NR6A1: variants seen among roughly 807,000 people sequenced by gnomAD.
The protein encoded by NR6A1 is retinoic acid receptor-related testis-associated receptor.
Under a neutral mutation model 59.1 loss-of-function variants are expected in NR6A1, and 7 were observed. The ratio of observed to expected loss-of-function variants is 0.12; its 90% CI spans 0.07 to 0.22. The LOEUF is 0.22. NR6A1 is among the 10% of genes least tolerant of loss of function. The pLI is 1.00. For missense variants in NR6A1, 468 were observed against 611.6 expected (o/e 0.77, Z 2.48); for synonymous variants, 243 against 236.1 (o/e 1.03, Z -0.27).
intron 2 of NR6A1, among the ~76,000 whole-genome samples, chr9:124,618,863 C>T (rs762778474): frequency 4.6e-5 from 7 of 152,300 alleles, no homozygotes; most frequent in Non-Finnish European, 7.3e-5. Flanking sequence ...AGCAGGCTCT[C>T]TTACACCCTG....
chr9:124,747,434 G>T (rs1413999417), intron 1 of NR6A1, among the ~76,000 whole-genome samples: 1 of 151,832 alleles, frequency 6.6e-6, no homozygotes, highest in Non-Finnish European at 1.5e-5. Context: ...TCTCATCCTA[G>T]GTTGGATGGT....
intron 2 of NR6A1, among the ~76,000 whole-genome samples, chr9:124,625,430 C>G (rs898775115): frequency 1.3e-5 from 2 of 152,164 alleles, no homozygotes; most frequent in Admixed American, 6.5e-5. Flanking sequence ...CAGGCTCAAG[C>G]GAGCCTCCTG....
chr9:124,656,623 C>T (rs1455390132), intron 2 of NR6A1, among the ~76,000 whole-genome samples: 3 of 151,954 alleles, frequency 2.0e-5, no homozygotes, highest in Non-Finnish European at 4.4e-5. Context: ...CTTGAGATCA[C>T]GAGTTCGAGA....
chr9:124,607,683 C>T (rs1273097006), intron 2 of NR6A1, among the ~76,000 whole-genome samples: 3 of 152,234 alleles, frequency 2.0e-5, no homozygotes, highest in Middle Eastern at 6.8e-3. Context: ...AAATGTTCAA[C>T]ACAATGCCTG....
intron 2 of NR6A1, among the ~76,000 whole-genome samples, chr9:124,674,926 C>T (rs1837908473): frequency 6.6e-6 from 1 of 152,198 alleles, no homozygotes; most frequent in South Asian, 2.1e-4. Flanking sequence ...AATGATTTTT[C>T]TTGCTCTTAC....
intron 2 of NR6A1, among the ~76,000 whole-genome samples, chr9:124,730,323 C>T (rs759101438): frequency 2.6e-4 from 39 of 152,064 alleles, no homozygotes; most frequent in Admixed American, 6.6e-5. Context: ...GCCTCCTCCT[C>T]CTTAAGCAAT....
intron 1 of NR6A1, among the ~76,000 whole-genome samples, chr9:124,756,990 A>AG (rs997927821): frequency 1.3e-5 from 2 of 151,558 alleles, no homozygotes; most frequent in African/African-American, 4.8e-5. Context: ...AGAATCAAAA[A>AG]GAAAAAAAAA....
chr9:124,667,849 A>G (rs1837670880), intron 2 of NR6A1, among the ~76,000 whole-genome samples: 2 of 152,226 alleles, frequency 1.3e-5, no homozygotes, highest in South Asian at 4.1e-4. Context: ...ACAAAAATAT[A>G]AAGACAAAAA....
chr9:124,649,808 A>C (rs566333037), intron 2 of NR6A1, among the ~76,000 whole-genome samples: 8 of 152,354 alleles, frequency 5.3e-5, no homozygotes, highest in Admixed American at 1.3e-4. Context: ...GACATTTCTC[A>C]AAAGCAGACA....
At chr9:124,630,319 G>A (rs867947217) in intron 2 of NR6A1, among the ~76,000 whole-genome samples, 1 of 148,994 alleles carries the variant, frequency 6.7e-6, no homozygotes, top group African/African-American at 2.5e-5. Context: ...AGGTTCAAGT[G>A]ATTATCCTGT....
intron 8 of NR6A1, among the ~76,000 whole-genome samples, chr9:124,525,203 A>T (rs1479040175): frequency 1.3e-5 from 2 of 151,470 alleles, no homozygotes; most frequent in Admixed American, 6.6e-5. Flanking sequence ...TTCCAAATTA[A>T]TCCTTCACAA....
intron 1 of NR6A1, among the ~76,000 whole-genome samples, chr9:124,749,190 A>G (rs1215078261): frequency 1.3e-5 from 2 of 151,572 alleles, no homozygotes; most frequent in Admixed American, 1.3e-4. Context: ...TGAACCCGAG[A>G]GGCGGAGGTT....
intron 6 of NR6A1, 91 bp from the exon 7 acceptor site, chr9:124,536,223 G>T: frequency 6.9e-7 from 1 of 1,442,986 alleles, no homozygotes; most frequent in Non-Finnish European, 9.4e-7. Context: ...GGCACAAAGG[G>T]ACCCTGGCAA....
chr9:124,766,189 A>T (rs1054626907), intron 1 of NR6A1, among the ~76,000 whole-genome samples: 2 of 152,240 alleles, frequency 1.3e-5, no homozygotes, highest in African/African-American at 4.8e-5. Flanking sequence ...CTCATTTTTA[A>T]TAATTCTGGT....
chr9:124,625,232 T>C (rs535917724), intron 2 of NR6A1, among the ~76,000 whole-genome samples: 1 of 152,354 alleles, frequency 6.6e-6, no homozygotes, highest in South Asian at 2.1e-4. Flanking sequence ...GTTTCCTCTT[T>C]TGACAAATGG....
At chr9:124,633,128 G>A (rs558438389) in intron 2 of NR6A1, among the ~76,000 whole-genome samples, 1 of 152,256 alleles carries the variant, frequency 6.6e-6, no homozygotes, top group East Asian at 1.9e-4. Context: ...CTTCAGGCCG[G>A]GCGCAGTGGC....
At position 124,538,235 on chromosome 9, in the gene NR6A1, C is replaced by G. The variant is rs781348492; in HGVS notation, c.681G>C (p.Pro227=). 1.9e-6 allele frequency: 3 copies of G among 1,614,048 alleles called. No homozygotes were observed. Among genetic ancestry groups the G allele is most frequent in the Non-Finnish European group, 2.5e-6 (3 of 1,180,006 alleles). ...AGTGGCCAGAATAGCTAAAAAGGTG[C>G]GGTATATATTGGTAATGTGGAGGCA... ...MSVPPHYQYI[P]HLFSYSGHSP... The change falls in exon 6 of 10, where the codon CCG becomes CCC. Residue 227 remains proline, a synonymous_variant. Transcript: ENST00000487099.
chr9:124,631,252 T>A (rs1331131515), intron 2 of NR6A1, among the ~76,000 whole-genome samples: 1 of 152,210 alleles, frequency 6.6e-6, no homozygotes, highest in Non-Finnish European at 1.5e-5. Context: ...GATTTATTTA[T>A]ACTTCTAGAA....
chr9:124,702,420 A>G (rs892305698), intron 2 of NR6A1, among the ~76,000 whole-genome samples: 2 of 152,222 alleles, frequency 1.3e-5, no homozygotes, highest in East Asian at 1.9e-4. Flanking sequence ...GACCACATAC[A>G]TAAGGATTTA....
Sources: allele counts gnomAD v4.1 joint callset (sites outside exome capture counted in the v4.1 genomes callset), GRCh38; gene constraint gnomAD v4.1.1; transcripts MANE v1.5; gene names NCBI Gene and HGNC (gene_info 2026-07-23, HGNC 2026-07-21).